The following NUSAP1 variants were observed in gnomAD, a reference collection of about 807,000 sequenced individuals.
The protein encoded by NUSAP1 is nucleolar and spindle associated protein 1.
A neutral mutation model predicts 52.8 loss-of-function variants in NUSAP1; 32 were observed. The observed-to-expected ratio is 0.61, with a 90% CI of 0.46 to 0.81. The LOEUF is 0.81. Among genes scored for constraint, NUSAP1 ranks in the 40% least tolerant of loss-of-function variants. NUSAP1 has a pLI of 0.00. For synonymous variants in NUSAP1, 195 were observed against 183.1 expected, an observed-to-expected ratio of 1.06 and a Z score of -0.52; for missense variants, 499 against 522.3, an observed-to-expected ratio of 0.96 and a Z score of 0.43.
rs561863869 is a variant in NUSAP1 at position 41,362,557 on chromosome 15, T to C, written c.661-2845T>C. Among the ~76,000 whole-genome samples the C allele has an allele frequency of 5.3e-3, 808 of 151,782 alleles. 5 individuals are homozygous for C. The highest frequency in any genetic ancestry group is 0.017 in the African/African-American group (714 of 41,422). ...CTCCTGTCTCAGCCTCCTGAGTAGC[T>C]GGGACTACGGGCGCCCGCCACCACA... is the stretch of plus-strand genomic sequence containing the variant. On this transcript the variant is annotated intron_variant, in intron 6 of 10. Coordinates refer to ENST00000559596, the MANE Select transcript of NUSAP1 (RefSeq NM_016359.5).
rs532286263 is a variant in NUSAP1, at chr15:41,346,858, A to C, written c.163-2240A>C. On this transcript the variant is annotated intron_variant, in intron 2 of 10. Coordinates refer to ENST00000559596, the MANE Select transcript of NUSAP1 (RefSeq NM_016359.5). ...AAATAAATAAATAAATAAATAAATA[A>C]ATAAATAAATAAATAAATAAATACT... Among the ~76,000 whole-genome samples, 61 of 148,014 alleles carry C rather than the reference A, an allele frequency of 4.1e-4. 1 individual carries two copies. The South Asian group carries it at 0.012, about 29-fold the overall frequency.
At chr15:41,352,393 G>A (rs998137509) in intron 4 of NUSAP1, among the ~76,000 whole-genome samples, 1 of 152,104 alleles carries the variant, frequency 6.6e-6, no homozygotes, top group South Asian at 2.1e-4. Flanking sequence ...TAGAGAGACT[G>A]AGAGAGGATA....
intron 6 of NUSAP1, among the ~76,000 whole-genome samples, chr15:41,363,371 T>C (rs1383345878): frequency 2.0e-5 from 3 of 149,998 alleles, no homozygotes; most frequent in African/African-American, 7.4e-5. Flanking sequence ...TATAAAATTA[T>C]ATACATATAT....
intron 7 of NUSAP1, among the ~76,000 whole-genome samples, chr15:41,366,334 A>G (rs575999420): frequency 7.2e-6 from 1 of 139,130 alleles, no homozygotes; most frequent in Non-Finnish European, 1.5e-5. Context: ...TCCATTGCCC[A>G]GGCTGGAGTG....
rs556917845 is a variant in NUSAP1 at position 41,351,096 on chromosome 15, G to A, written c.415G>A (p.Glu139Lys). 9.4e-5 allele frequency: 152 copies of A among 1,613,432 alleles called. No individual in the cohort carries two copies. Among genetic ancestry groups the A allele is most frequent in the Non-Finnish European group, 1.2e-4 (141 of 1,179,738 alleles). The change falls in exon 4 of 11, where the codon GAG (glutamate) becomes AAG (lysine). Residue 139 changes from glutamate (E) to lysine (K), a missense_variant. Physicochemically the swap from Glu to Lys is moderately conservative, Grantham distance 56. Transcript: ENST00000559596. ...ATAKVPSPPD[E>K]HQEAENAVSS... ...TGCAAAAGTTCCTTCTCCACCAGACGAGCACCAAGAAGCTGAGAATGCTGT... is the reference window on the plus strand; with the variant it reads ...TGCAAAAGTTCCTTCTCCACCAGACAAGCACCAAGAAGCTGAGAATGCTGT...
chr15:41,375,617 G>T (rs1027943910), intron 8 of NUSAP1, 95 bp from the exon 9 acceptor site: 1 of 838,974 alleles, frequency 1.2e-6, no homozygotes. Context: ...AGCCTATAAC[G>T]TGTATTTTTA....
chr15:41,358,891 A>T (rs1388453734), intron 6 of NUSAP1, among the ~76,000 whole-genome samples: 3 of 152,172 alleles, frequency 2.0e-5, no homozygotes, highest in African/African-American at 7.2e-5. Context: ...CCTTATGTAA[A>T]GGAAAATGGG....
chr15:41,336,142 C>T (rs972422246), intron 1 of NUSAP1, among the ~76,000 whole-genome samples: 1 of 151,282 alleles, frequency 6.6e-6, no homozygotes, highest in Non-Finnish European at 1.5e-5. Flanking sequence ...CACCTGTAAT[C>T]CCAGCTACTC....
intron 10 of NUSAP1, among the ~76,000 whole-genome samples, chr15:41,379,456 C>G (rs1336240280): frequency 3.3e-5 from 5 of 152,206 alleles, no homozygotes; most frequent in Non-Finnish European, 7.3e-5. Context: ...GCCACTGCAT[C>G]TGGCCTAAAG....
At chr15:41,365,358 T>C (rs754592121) in intron 6 of NUSAP1, 44 bp from the exon 7 acceptor site, 94 of 1,509,352 alleles carry the variant, frequency 6.2e-5, no homozygotes, top group Admixed American at 2.0e-4. Flanking sequence ...GGTTTCACCA[T>C]GTTGGAGAGG....
intron 1 of NUSAP1, among the ~76,000 whole-genome samples, chr15:41,339,621 G>A (rs1243226859): frequency 6.6e-6 from 1 of 151,738 alleles, no homozygotes; most frequent in Non-Finnish European, 1.5e-5. Flanking sequence ...TATTGTTCAG[G>A]CTGGTCTGGA....
rs1405158867 is a variant in NUSAP1 at position 41,380,080 on chromosome 15, C to T, written c.1233-13C>T. 3 of 1,561,672 alleles carry T rather than the reference C, an allele frequency of 1.9e-6. No individual in the cohort carries two copies. The highest frequency in any genetic ancestry group is 2.7e-5 in the African/African-American group (2 of 73,464). On this transcript the variant is annotated splice_polypyrimidine_tract_variant and intron_variant, in intron 10 of 10. Coordinates refer to ENST00000559596, the MANE Select transcript of NUSAP1 (RefSeq NM_016359.5). The stretch of plus-strand genomic sequence containing the variant: ...GCCTCCCTAGAGCTTAATGTGTGAC[C>T]TATCCCTCTCAGGGAAGAGCAACGG...
At chr15:41,359,523 A>G (rs919961) in intron 6 of NUSAP1, among the ~76,000 whole-genome samples, 57,108 of 152,052 alleles carry the variant, frequency 0.38, 11,692 homozygotes, top group African/African-American at 0.55. Context: ...TGGGTGATAA[A>G]TTGTAAATAA....
intron 2 of NUSAP1, among the ~76,000 whole-genome samples, chr15:41,346,746 G>A (rs2048587286): frequency 6.6e-6 from 1 of 151,816 alleles, no homozygotes; most frequent in African/African-American, 2.4e-5. Flanking sequence ...AGAATCGCTT[G>A]AACTCAGGAG....
chr15:41,361,184 A>G lies in NUSAP1; in HGVS notation c.660+2926A>G, dbSNP rs911412560. On this transcript the variant is annotated intron_variant, in intron 6 of 10. Coordinates refer to ENST00000559596, the MANE Select transcript of NUSAP1 (RefSeq NM_016359.5). ...TGAGGCAGGCGGATCACCTGAGGTC[A>G]GGGGTTTGAGACCAGCCTGACCAAC... Among the ~76,000 whole-genome samples the G allele has an allele frequency of 2.0e-5, 3 of 151,958 alleles. No individual in the cohort carries two copies. The South Asian group carries it at 6.2e-4, about 32-fold the overall frequency.
chr15:41,355,837 C>A (rs184653175), intron 4 of NUSAP1, among the ~76,000 whole-genome samples: 5 of 151,828 alleles, frequency 3.3e-5, no homozygotes, highest in African/African-American at 9.7e-5. Flanking sequence ...CCACCACGCC[C>A]GGCTGACTTT....
intron 9 of NUSAP1, among the ~76,000 whole-genome samples, chr15:41,376,458 C>A (rs893269987): frequency 2.6e-5 from 4 of 151,620 alleles, no homozygotes; most frequent in African/African-American, 9.7e-5. Context: ...GAGGCCAAGG[C>A]AGGCGGATCA....
intron 4 of NUSAP1, among the ~76,000 whole-genome samples, chr15:41,354,842 C>G (rs1298712297): frequency 1.3e-5 from 2 of 151,052 alleles, no homozygotes; most frequent in Non-Finnish European, 2.9e-5. Context: ...CACGGTGAAA[C>G]CCTGTCTCTA....
Position 41,332,888 on chromosome 15 carries a change from C to T in NUSAP1, c.-70C>T. 1.6e-6 allele frequency: 2 copies of T among 1,220,088 alleles called. No individual in the cohort carries two copies. The highest frequency in any genetic ancestry group is 2.4e-6 in the Non-Finnish European group (2 of 844,558). 75.6% of individuals were successfully genotyped at this position (1,220,088 alleles called of 1,614,324 possible). ...GCCTAGTCAAAGTTAAGAGTGGCGCCAGGGATTTGAACCGCGCTGACGAAG... is the reference window on the plus strand; with the variant it reads ...GCCTAGTCAAAGTTAAGAGTGGCGCTAGGGATTTGAACCGCGCTGACGAAG... On this transcript the variant is annotated 5_prime_UTR_variant, in exon 1 of 11. Coordinates refer to ENST00000559596, the MANE Select transcript of NUSAP1 (RefSeq NM_016359.5).
Sources: gnomAD v4.1 joint callset for allele counts (sites outside exome capture counted in the v4.1 genomes callset) on GRCh38, gnomAD v4.1.1 for gene constraint, MANE v1.5 for transcripts, NCBI Gene and HGNC (gene_info 2026-07-23, HGNC 2026-07-21) for gene names.